The following CTNNA1 variants were observed in gnomAD, a reference collection of about 807,000 sequenced individuals.
CTNNA1 encodes the protein catenin alpha 1, also known as catenin alpha-1.
Under a neutral mutation model 98.4 loss-of-function variants are expected in CTNNA1, and 37 were observed. That is an observed-to-expected ratio of 0.38 (90% CI 0.29 to 0.49). CTNNA1 has a LOEUF of 0.49. Among genes scored for constraint, CTNNA1 ranks in the 20% least tolerant of loss-of-function variants. The pLI is 0.95. For synonymous variants in CTNNA1, 404 were observed against 413.2 expected (o/e 0.98, Z 0.27); for missense variants, 761 against 1,147.2 (o/e 0.66, Z 4.86).
chr5:138,888,236 G>T (rs1754520186), intron 9 of CTNNA1, among the ~76,000 whole-genome samples: 1 of 152,112 alleles, frequency 6.6e-6, no homozygotes, highest in African/African-American at 2.4e-5. Context: ...TGGTTTGTAG[G>T]GTGGCAAGAA....
At chr5:138,803,667 T>C (rs907169935) in intron 3 of CTNNA1, among the ~76,000 whole-genome samples, 1 of 152,226 alleles carries the variant, frequency 6.6e-6, no homozygotes, top group Non-Finnish European at 1.5e-5. Flanking sequence ...ACATTATTCC[T>C]GTGATTCCTT....
chr5:138,812,944 A>G (rs1302199149), intron 5 of CTNNA1, among the ~76,000 whole-genome samples: 1 of 152,220 alleles, frequency 6.6e-6, no homozygotes, highest in Admixed American at 6.5e-5. Flanking sequence ...TATATCTTTC[A>G]TAGTCCTGAT....
At chr5:138,925,431 C>T in intron 13 of CTNNA1, 24 bp downstream of exon 13, 2 of 1,607,588 alleles carry the variant, frequency 1.2e-6, no homozygotes, top group Non-Finnish European at 1.7e-6. Flanking sequence ...TTTCAGACGT[C>T]TTAACAGCTT....
chr5:138,812,984 A>G (rs931953919), intron 5 of CTNNA1, among the ~76,000 whole-genome samples: 2 of 152,222 alleles, frequency 1.3e-5, no homozygotes, highest in African/African-American at 4.8e-5. Context: ...CTTACTTTAA[A>G]ACAAGCCCCA....
At chr5:138,819,480 T>A (rs1442353403) in intron 5 of CTNNA1, among the ~76,000 whole-genome samples, 4 of 152,160 alleles carry the variant, frequency 2.6e-5, no homozygotes, top group Admixed American at 2.0e-4. Flanking sequence ...GGATGCAGGG[T>A]ACTATGTCGG....
At position 138,824,693 on chromosome 5, in the gene CTNNA1, C is replaced by T. The variant is rs775541936; in HGVS notation, c.752C>T (p.Ala251Val). 12 of 1,614,226 alleles carry T rather than the reference C, an allele frequency of 7.4e-6. No homozygotes were observed. In the South Asian group the frequency reaches 7.7e-5, roughly 10 times the overall value. Reference sequence around the variant, plus strand: ...CTGATATACAAGCAGCTGCAGCAGGCGGTCACAGGCATTTCCAATGCAGCC... The same window carrying T: ...CTGATATACAAGCAGCTGCAGCAGGTGGTCACAGGCATTTCCAATGCAGCC... ...RDLIYKQLQQ[A>V]VTGISNAAQA... The change falls in exon 6 of 18, where the codon GCG (alanine) becomes GTG (valine). Residue 251 changes from alanine (A) to valine (V), a missense_variant. By Grantham distance (64) the Ala-to-Val change is moderately conservative. Transcript: ENST00000302763.
chr5:138,895,107 A>G (rs1756478590), intron 9 of CTNNA1, among the ~76,000 whole-genome samples: 2 of 152,210 alleles, frequency 1.3e-5, no homozygotes, highest in East Asian at 3.8e-4. Context: ...TGGGCCAAGA[A>G]TAGTACCTAG....
chr5:138,907,257 A>T (rs1214231678), intron 10 of CTNNA1, among the ~76,000 whole-genome samples: 2 of 152,180 alleles, frequency 1.3e-5, no homozygotes, highest in Admixed American at 1.3e-4. Flanking sequence ...CCTGGCCTCA[A>T]GTGATGCCTG....
intron 7 of CTNNA1, among the ~76,000 whole-genome samples, chr5:138,879,778 T>G (rs1450470465): frequency 2.6e-5 from 4 of 152,216 alleles, no homozygotes; most frequent in Admixed American, 1.3e-4. Context: ...TTTAAAGTCC[T>G]TTTGTTATCT....
At chr5:138,801,922 A>G (rs745813877) in intron 3 of CTNNA1, among the ~76,000 whole-genome samples, 5 of 152,208 alleles carry the variant, frequency 3.3e-5, no homozygotes, top group Non-Finnish European at 5.9e-5. Context: ...CTACTTAGTG[A>G]AGGCAAACTT....
In CTNNA1 at chr5:138,778,155, G is replaced by A. The variant is rs376954126; in HGVS notation, c.-2-3768G>A. Among the ~76,000 whole-genome samples the A allele has an allele frequency of 8.1e-3, 674 of 83,342 alleles. 10 individuals carry two copies. Among genetic ancestry groups the A allele is most frequent in the Admixed American group, 0.019 (130 of 6,686 alleles). The allele number at this position is 83,342 out of a possible 152,430, so 54.7% of individuals were successfully genotyped here. On this transcript the variant is annotated intron_variant, in intron 1 of 17. Coordinates refer to ENST00000302763, the MANE Select transcript of CTNNA1 (RefSeq NM_001903.5). ...ACTACAGGCGACCGCCACCACGCCCGGCTAATTTTTTGGTATTTTTAGTAG... is the reference window on the plus strand; with the variant it reads ...ACTACAGGCGACCGCCACCACGCCCAGCTAATTTTTTGGTATTTTTAGTAG...
At chr5:138,922,754 G>A (rs966485629) in intron 11 of CTNNA1, among the ~76,000 whole-genome samples, 3 of 152,094 alleles carry the variant, frequency 2.0e-5, no homozygotes, top group African/African-American at 7.2e-5. Flanking sequence ...CTGGGTGTGT[G>A]GTAGCCTCAG....
At chr5:138,865,377 C>T (rs1347476343) in intron 7 of CTNNA1, among the ~76,000 whole-genome samples, 2 of 152,196 alleles carry the variant, frequency 1.3e-5, no homozygotes, top group Non-Finnish European at 2.9e-5. Context: ...TAGCCTTTAT[C>T]AAGGGTCCTG....
intron 5 of CTNNA1, among the ~76,000 whole-genome samples, chr5:138,813,600 C>T (rs959459243): frequency 6.6e-6 from 1 of 152,164 alleles, no homozygotes; most frequent in African/African-American, 2.4e-5. Flanking sequence ...TTTTTCATTA[C>T]AGCAAGATGG....
At chr5:138,814,854 A>G (rs1341822726) in intron 5 of CTNNA1, among the ~76,000 whole-genome samples, 2 of 152,066 alleles carry the variant, frequency 1.3e-5, no homozygotes, top group African/African-American at 4.8e-5. Context: ...CCTGGGTTCA[A>G]GCTATTCTCT....
chr5:138,870,040 T>C (rs1765194031), intron 7 of CTNNA1: 1 of 152,444 alleles, frequency 6.6e-6, no homozygotes, highest in Admixed American at 6.5e-5. Context: ...AGCTTTCCTT[T>C]TTCCAGAGAG....
intron 9 of CTNNA1, among the ~76,000 whole-genome samples, chr5:138,897,362 G>T (rs1245861025): frequency 7.5e-6 from 1 of 132,576 alleles, no homozygotes; most frequent in Non-Finnish European, 1.5e-5. Context: ...CATAGGCTAT[G>T]GCTTTATTGG....
chr5:138,798,765 T>A (rs1757235659), intron 3 of CTNNA1, among the ~76,000 whole-genome samples: 1 of 152,180 alleles, frequency 6.6e-6, no homozygotes, highest in Non-Finnish European at 1.5e-5. Flanking sequence ...TCATGGCAGA[T>A]GGTACAGTAG....
At chr5:138,785,812 T>C (rs1398161876) in intron 3 of CTNNA1, among the ~76,000 whole-genome samples, 2 of 152,308 alleles carry the variant, frequency 1.3e-5, no homozygotes, top group African/African-American at 4.8e-5. Context: ...CAGGCTCGTC[T>C]CGAACTCCTG....
Sources: gnomAD v4.1 joint callset for allele counts (sites outside exome capture counted in the v4.1 genomes callset) on GRCh38, gnomAD v4.1.1 for gene constraint, MANE v1.5 for transcripts, NCBI Gene and HGNC (gene_info 2026-07-23, HGNC 2026-07-21) for gene names.